Variants in SYNPO2 observed in about 807,000 individuals in gnomAD.
SYNPO2 encodes the protein synaptopodin-2.
A neutral mutation model predicts 85.0 loss-of-function variants in SYNPO2; 56 were observed. The ratio of observed to expected loss-of-function variants is 0.66; its 90% CI spans 0.53 to 0.82. SYNPO2 has a LOEUF of 0.82. Ranked by LOEUF, SYNPO2 falls within the 40% of genes least tolerant of loss-of-function variation. SYNPO2 has a pLI of 0.00. For missense variants in SYNPO2, 1,575 were observed against 1,534.2 expected (o/e 1.03, Z -0.44); for synonymous variants, 602 against 591.1 (o/e 1.02, Z -0.27).
intron 1 of SYNPO2, among the ~76,000 whole-genome samples, chr4:118,881,587 T>G (rs1732101323): frequency 6.6e-6 from 1 of 152,194 alleles, no homozygotes; most frequent in Non-Finnish European, 1.5e-5. Context: ...CTGGGCTTTG[T>G]GTAAAAGAAA....
At chr4:119,038,896 GGT>G (rs1491417193) in intron 4 of SYNPO2, among the ~76,000 whole-genome samples, 1 of 61,652 alleles carries the variant, frequency 1.6e-5, no homozygotes, top group Non-Finnish European at 3.6e-5. Flanking sequence ...TTTTTCCAGT[GGT>G]TTTTTTTTTT....
chr4:119,000,404 G>T (rs1339846973), intron 1 of SYNPO2, among the ~76,000 whole-genome samples: 1 of 152,018 alleles, frequency 6.6e-6, no homozygotes, highest in Non-Finnish European at 1.5e-5. Context: ...ATGAGAGCCC[G>T]CCTCCCTTTG....
rs940398503 is a variant in SYNPO2, at chr4:118,876,646, T to TCTTTCTTCCTTCCTTCCTTCCTTC, written c.12+25709_12+25710insTCTTCCTTCCTTCCTTCCTTCCTT. 5.9e-4 allele frequency among the ~76,000 whole-genome samples: 87 copies of TCTTTCTTCCTTCCTTCCTTCCTTC among 148,432 alleles called. 1 individual carries two copies. Among genetic ancestry groups the TCTTTCTTCCTTCCTTCCTTCCTTC allele is most frequent in the African/African-American group, 2.1e-3 (84 of 39,462 alleles). ...TTTCTCTTTTCTTTCTTCCTTCCTT[T>TCTTTCTTCCTTCCTTCCTTCCTTC]CTTCCTTCCTTCCTTCCTTTCTCTT... On this transcript the variant is annotated intron_variant, in intron 1 of 4. Transcript: ENST00000610556.
At chr4:118,869,769 G>A (rs1731770040) in intron 1 of SYNPO2, among the ~76,000 whole-genome samples, 1 of 152,166 alleles carries the variant, frequency 6.6e-6, no homozygotes, top group South Asian at 2.1e-4. Context: ...AGCTCCTGGT[G>A]GGTTTCAGGC....
chr4:119,049,537 C>T (rs1415716803), intron 4 of SYNPO2, among the ~76,000 whole-genome samples: 4 of 152,200 alleles, frequency 2.6e-5, no homozygotes, highest in African/African-American at 4.8e-5. Context: ...TGACTCACGA[C>T]ACATACATCA....
intron 4 of SYNPO2, chr4:119,037,382 T>G: frequency 8.2e-7 from 1 of 1,218,812 alleles, no homozygotes. Flanking sequence ...GGCCCTGAGT[T>G]GAAAAAAAAA....
intron 1 of SYNPO2, among the ~76,000 whole-genome samples, chr4:118,984,678 T>C (rs554509152): frequency 6.6e-6 from 1 of 152,300 alleles, no homozygotes; most frequent in African/African-American, 2.4e-5. Flanking sequence ...CAAAGTACTT[T>C]TCCAGATCCC....
chr4:118,994,083 C>T (rs183148214), intron 1 of SYNPO2, among the ~76,000 whole-genome samples: 72 of 152,312 alleles, frequency 4.7e-4, no homozygotes, highest in South Asian at 1.0e-3. Flanking sequence ...CATATTAGGC[C>T]ACACTCTGAC....
At chr4:118,868,655 AGT>A (rs960200954) in intron 1 of SYNPO2, among the ~76,000 whole-genome samples, 5 of 152,228 alleles carry the variant, frequency 3.3e-5, no homozygotes, top group Non-Finnish European at 4.4e-5. Flanking sequence ...TAATAGGAAG[AGT>A]GTAACTAGAA....
intron 1 of SYNPO2, among the ~76,000 whole-genome samples, chr4:118,978,433 G>A (rs1735874265): frequency 6.6e-6 from 1 of 152,124 alleles, no homozygotes; most frequent in African/African-American, 2.4e-5. Flanking sequence ...CAAAAGAGTT[G>A]GGTCTAGCAT....
At chr4:118,893,241 C>A (rs1038602789) in intron 1 of SYNPO2, among the ~76,000 whole-genome samples, 2 of 151,996 alleles carry the variant, frequency 1.3e-5, no homozygotes, top group African/African-American at 4.8e-5. Flanking sequence ...ATTAAAAAAT[C>A]CTTATTTTGG....
intron 1 of SYNPO2, among the ~76,000 whole-genome samples, chr4:118,975,511 G>A (rs1735689778): frequency 6.6e-6 from 1 of 152,156 alleles, no homozygotes; most frequent in Non-Finnish European, 1.5e-5. Context: ...ACTAACAAGT[G>A]GTAGCAGAGT....
chr4:118,906,222 A>G (rs995485842), intron 1 of SYNPO2, among the ~76,000 whole-genome samples: 2 of 152,174 alleles, frequency 1.3e-5, no homozygotes, highest in Non-Finnish European at 2.9e-5. Flanking sequence ...TTTTTTTAAA[A>G]AAATAAGCAA....
chr4:119,030,390 A>C lies in SYNPO2; in HGVS notation c.1615A>C (p.Lys539Gln). 6.2e-7 allele frequency: 1 copy of C among 1,614,180 alleles called. No individual in the cohort carries two copies. The highest frequency in any genetic ancestry group is 8.5e-7 in the Non-Finnish European group (1 of 1,180,036). The change falls in exon 4 of 5, where the codon AAG (lysine) becomes CAG (glutamine). Residue 539 changes from lysine (K) to glutamine (Q), a missense_variant. This residue lies in a region of SYNPO2 where 1,508 missense variants were observed against 1,446.8 expected (regional missense o/e 1.04). Coordinates refer to ENST00000307142, the MANE Select transcript of SYNPO2 (RefSeq NM_133477.3). ...GLRTTTSYQR[K>Q]EEESVRTQSS... The stretch of plus-strand genomic sequence containing the variant: ...GAGAACCACGACTTCTTACCAAAGA[A>C]AGGAGGAAGAGTCGGTAAGAACGCA...
intron 1 of SYNPO2, among the ~76,000 whole-genome samples, chr4:118,975,535 C>G (rs1045365834): frequency 6.6e-6 from 1 of 152,010 alleles, no homozygotes; most frequent in Non-Finnish European, 1.5e-5. Context: ...AGCAATCAGG[C>G]GAAATTCAAG....
At chr4:118,969,028 A>G (rs112079903) in intron 1 of SYNPO2, among the ~76,000 whole-genome samples, 2 of 152,330 alleles carry the variant, frequency 1.3e-5, no homozygotes, top group Non-Finnish European at 2.9e-5. Context: ...CTTAGCCTCT[A>G]TGTAGTTGAG....
chr4:119,040,069 C>G (rs1222483931), intron 4 of SYNPO2, among the ~76,000 whole-genome samples: 1 of 152,168 alleles, frequency 6.6e-6, no homozygotes, highest in South Asian at 2.1e-4. Context: ...ATAGGTGTAC[C>G]TCACAAGTTG....
At chr4:119,022,615 C>T (rs1344929324) in intron 1 of SYNPO2, among the ~76,000 whole-genome samples, 8 of 148,300 alleles carry the variant, frequency 5.4e-5, no homozygotes, top group South Asian at 4.3e-4. Flanking sequence ...CTCAGCTTCC[C>T]GAAGTGCTGG....
chr4:118,941,755 T>TA, intron 1 of SYNPO2, among the ~76,000 whole-genome samples: 1 of 152,286 alleles, frequency 6.6e-6, no homozygotes, highest in Non-Finnish European at 1.5e-5. Flanking sequence ...TTTTATGACT[T>TA]ACATTTCCCG....
Sources: gnomAD v4.1 joint callset for allele counts (sites outside exome capture counted in the v4.1 genomes callset) on GRCh38, gnomAD v4.1.1 for gene constraint, gnomAD v4.1.1 regional missense constraint, MANE v1.5 for transcripts, NCBI Gene and HGNC (gene_info 2026-07-23, HGNC 2026-07-21) for gene names.